Variants in FREM2 observed in about 807,000 individuals in gnomAD.
FREM2 encodes FRAS1-related extracellular matrix protein 2.
FREM2 carries 119 observed loss-of-function variants against 219.9 expected under a neutral mutation model. The observed-to-expected ratio is 0.54, with a 90% confidence interval of 0.47 to 0.63. The LOEUF (loss-of-function observed/expected upper bound fraction) is 0.63. Ranked by LOEUF, FREM2 falls within the 30% of genes least tolerant of loss-of-function variation. The probability of loss-of-function intolerance (pLI) is 0.00; values close to 1 mark genes in which losing one functional copy is unlikely to be tolerated. For synonymous variants in FREM2, 1,562 were observed against 1,522.8 expected, an observed-to-expected ratio of 1.03 and a Z score of -0.60; for missense variants, 4,030 against 3,993.6, an observed-to-expected ratio of 1.01 and a Z score of -0.25.
intron 6 of FREM2, among the ~76,000 whole-genome samples, chr13:38,791,196 A>G (rs1448971210): frequency 1.3e-5 from 2 of 152,202 alleles, no homozygotes; most frequent in South Asian, 4.1e-4. Flanking sequence ...TTAAAAATAT[A>G]TGTTTTAATA....
chr13:38,846,560 C>A lies in FREM2; in HGVS notation c.6020-13C>A. The A allele has an allele frequency of 6.2e-7, 1 of 1,611,956 alleles. No homozygotes were observed. Among genetic ancestry groups the A allele is most frequent in the South Asian group, 1.1e-5 (1 of 91,018 alleles). On this transcript the variant is annotated splice_polypyrimidine_tract_variant and intron_variant, in intron 6 of 23. Transcript: ENST00000280481. Reference sequence around the variant, plus strand: ...AAAAATAACAGAAATGATTTCTGTTCCTTTCTTAACAGAACCCATCTTTTA... The same window carrying A: ...AAAAATAACAGAAATGATTTCTGTTACTTTCTTAACAGAACCCATCTTTTA...
chr13:38,707,222 T>A (rs1405305554), intron 2 of FREM2, among the ~76,000 whole-genome samples: 1 of 152,184 alleles, frequency 6.6e-6, no homozygotes, highest in African/African-American at 2.4e-5. Flanking sequence ...AATTCTTACA[T>A]TTTTAGGAGA....
intron 1 of FREM2, 145 bp downstream of exon 1, chr13:38,692,662 C>T: frequency 1.1e-6 from 1 of 932,126 alleles, no homozygotes; most frequent in Non-Finnish European, 1.7e-6. Context: ...ACTCACTTTC[C>T]TAGGAGGACA....
intron 2 of FREM2, among the ~76,000 whole-genome samples, chr13:38,758,485 G>T (rs1463744643): frequency 6.6e-6 from 1 of 152,190 alleles, no homozygotes; most frequent in South Asian, 2.1e-4. Flanking sequence ...CACAGCATTT[G>T]CCAGGCTCTA....
Position 38,688,178 on chromosome 13 carries a change from C to T in FREM2, c.834C>T (p.Asp278=), listed in dbSNP as rs1869586906. Residue 278 remains aspartate, a synonymous_variant, in exon 1 of 24, where the codon GAC becomes GAT. Coordinates refer to ENST00000280481, the MANE Select transcript of FREM2 (RefSeq NM_207361.6). ...HTAASRSPNR[D]WIPMVVELRS... ...CCGCCAGTCGCTCACCAAACAGGGA[C>T]TGGATACCCATGGTGGTGGAGCTGC... is the stretch of plus-strand genomic sequence containing the variant. The T allele has an allele frequency of 6.2e-7, 1 of 1,613,536 alleles. No individual in the cohort carries two copies. Among genetic ancestry groups the T allele is most frequent in the Admixed American group, 1.7e-5 (1 of 60,010 alleles).
intron 2 of FREM2, among the ~76,000 whole-genome samples, chr13:38,750,497 T>C (rs1419640329): frequency 1.3e-5 from 2 of 152,188 alleles, no homozygotes; most frequent in Admixed American, 1.3e-4. Context: ...ACTATGTATA[T>C]AGAACACATT....
intron 2 of FREM2, among the ~76,000 whole-genome samples, chr13:38,750,098 C>G (rs568594426): frequency 3.9e-5 from 6 of 152,194 alleles, no homozygotes; most frequent in South Asian, 4.1e-4. Context: ...TGCTTAGGAC[C>G]AAAACTCCTC....
intron 2 of FREM2, among the ~76,000 whole-genome samples, chr13:38,708,233 C>T (rs541727856): frequency 8.5e-5 from 13 of 152,284 alleles, no homozygotes; most frequent in African/African-American, 2.9e-4. Context: ...CATATAGGTG[C>T]TCGATAAATA....
Position 38,881,910 on chromosome 13 carries a change from C to T in FREM2, c.*1123C>T, listed in dbSNP as rs1878563682. On this transcript the variant is annotated 3_prime_UTR_variant, in exon 24 of 24. Coordinates refer to ENST00000280481, the MANE Select transcript of FREM2 (RefSeq NM_207361.6). ...ATTAGCTTTCTATCCAGCATCTGGTCCAAACGATGGGACTCTCTGCAACTA... is the reference window on the plus strand; with the variant it reads ...ATTAGCTTTCTATCCAGCATCTGGTTCAAACGATGGGACTCTCTGCAACTA... 1 of 152,026 alleles carries T rather than the reference C, an allele frequency of 6.6e-6. No individual in the cohort carries two copies. Among genetic ancestry groups the T allele is most frequent in the Admixed American group, 6.6e-5 (1 of 15,264 alleles). 9.4% of individuals were successfully genotyped at this position (152,026 alleles called of 1,614,324 possible). A position where few individuals can be genotyped will look rare whatever the true frequency, so the allele number is the denominator to read the frequency against.
intron 2 of FREM2, among the ~76,000 whole-genome samples, chr13:38,751,891 TG>T (rs1566128478): frequency 0.018 from 2,666 of 150,626 alleles, 85 homozygotes; most frequent in African/African-American, 0.06. Flanking sequence ...TGTGTGTGTG[TG>T]TGTGTTTTCC....
chr13:38,763,213 A>G (rs943348172), intron 2 of FREM2, among the ~76,000 whole-genome samples: 2 of 152,212 alleles, frequency 1.3e-5, no homozygotes, highest in African/African-American at 4.8e-5. Flanking sequence ...TGTACAAGGT[A>G]TTCTCTTTAA....
intron 2 of FREM2, among the ~76,000 whole-genome samples, chr13:38,762,041 G>T (rs1412667329): frequency 6.6e-6 from 1 of 152,190 alleles, no homozygotes; most frequent in African/African-American, 2.4e-5. Context: ...GGGCATGCAG[G>T]GTGGGCTTGG....
intron 4 of FREM2, among the ~76,000 whole-genome samples, chr13:38,776,915 G>A (rs1368660725): frequency 2.0e-5 from 3 of 151,814 alleles, no homozygotes; most frequent in East Asian, 1.9e-4. Context: ...TATGAGAGTT[G>A]ACTATTTCTA....
intron 6 of FREM2, among the ~76,000 whole-genome samples, chr13:38,836,858 G>C (rs181686341): frequency 3.4e-4 from 51 of 152,172 alleles, no homozygotes; most frequent in Admixed American, 1.2e-3. Flanking sequence ...AGTGTGGCTA[G>C]TGGTGTATCT....
chr13:38,734,364 G>T (rs1375685420), intron 2 of FREM2, among the ~76,000 whole-genome samples: 8 of 152,142 alleles, frequency 5.3e-5, no homozygotes, highest in African/African-American at 1.9e-4. Context: ...GAGTCTTTAA[G>T]AAGAAACGTA....
chr13:38,873,477 G>C (rs1388919992), intron 17 of FREM2, among the ~76,000 whole-genome samples: 7 of 152,116 alleles, frequency 4.6e-5, no homozygotes, highest in Non-Finnish European at 1.0e-4. Flanking sequence ...ATCTCTTTCT[G>C]ATGTAAAATT....
intron 11 of FREM2, 22 bp from the exon 12 acceptor site, chr13:38,856,104 A>G (rs1877547007): frequency 6.3e-7 from 1 of 1,582,940 alleles, no homozygotes; most frequent in African/African-American, 1.3e-5. Context: ...AATGATTTAA[A>G]TCTGTGATGT....
intron 2 of FREM2, among the ~76,000 whole-genome samples, chr13:38,711,913 CTTT>C (rs1224297915): frequency 3.7e-5 from 4 of 107,594 alleles, no homozygotes; most frequent in Admixed American, 9.6e-5. Context: ...CTGATAATTT[CTTT>C]TTTTTTTTTT....
intron 2 of FREM2, among the ~76,000 whole-genome samples, chr13:38,733,210 G>A (rs560515714): frequency 2.0e-4 from 31 of 152,104 alleles, no homozygotes; most frequent in African/African-American, 7.5e-4. Flanking sequence ...TTTCTAAGAG[G>A]CACTGAGGAG....
Sources: gnomAD v4.1 joint callset for allele counts (sites outside exome capture counted in the v4.1 genomes callset) on GRCh38, gnomAD v4.1.1 for gene constraint, MANE v1.5 for transcripts, NCBI Gene and HGNC (gene_info 2026-07-23, HGNC 2026-07-21) for gene names.